RERE: variants seen among roughly 807,000 people sequenced by gnomAD.
RERE encodes arginine-glutamic acid dipeptide repeats, also known as arginine-glutamic acid dipeptide repeats protein.
Under a neutral mutation model 146.1 loss-of-function variants are expected in RERE, and 40 were observed. The observed-to-expected ratio is 0.27, with a 90% CI of 0.21 to 0.36. The LOEUF (loss-of-function observed/expected upper bound fraction) is 0.36. RERE is among the 10% of genes least tolerant of loss of function. RERE has a pLI of 1.00. For synonymous variants in RERE, 1,003 were observed against 866.0 expected (o/e 1.16, Z -2.78); for missense variants, 1,933 against 2,138.7 (o/e 0.90, Z 1.90).
chr1:8,749,624 T>C (rs1640490661), intron 1 of RERE, among the ~76,000 whole-genome samples: 1 of 152,144 alleles, frequency 6.6e-6, no homozygotes, highest in Non-Finnish European at 1.5e-5. Context: ...TGTTAGTTCC[T>C]AAAACAACAG....
intron 1 of RERE, among the ~76,000 whole-genome samples, chr1:8,765,395 G>A (rs1640827234): frequency 6.6e-6 from 1 of 152,192 alleles, no homozygotes; most frequent in Non-Finnish European, 1.5e-5. Flanking sequence ...TTTCTTCTGG[G>A]CATAATTAAA....
At chr1:8,366,926 A>AC (rs1557592087) in intron 12 of RERE, among the ~76,000 whole-genome samples, 76 of 149,316 alleles carry the variant, frequency 5.1e-4, no homozygotes, top group African/African-American at 1.7e-3. Flanking sequence ...CAAAAAAAAA[A>AC]AACAAAAAAA....
chr1:8,787,803 C>T (rs1041690968), intron 1 of RERE, among the ~76,000 whole-genome samples: 22 of 146,774 alleles, frequency 1.5e-4, no homozygotes, highest in Admixed American at 9.0e-4. Flanking sequence ...TGCACTTCAG[C>T]CAGGGCAACA....
Position 8,361,745 on chromosome 1 carries a change from C to T in RERE, c.2016+18G>A, listed in dbSNP as rs1338795280. On this transcript the variant is annotated intron_variant, in intron 17 of 22. Coordinates refer to ENST00000400908, the MANE Select transcript of RERE (RefSeq NM_001042681.2). ...GAAGCATTAGCTTTACTCAGCAAGG[C>T]TCAGCAGCAAACCTCACCTGCGTTT... 12 of 1,593,926 alleles carry T rather than the reference C, an allele frequency of 7.5e-6. No homozygotes were observed. Among genetic ancestry groups the T allele is most frequent in the Non-Finnish European group, 1.0e-5 (12 of 1,161,938 alleles).
chr1:8,641,293 T>C (rs895489260), intron 2 of RERE, among the ~76,000 whole-genome samples: 4 of 152,178 alleles, frequency 2.6e-5, no homozygotes, highest in Non-Finnish European at 2.9e-5. Context: ...TGATAGAGTA[T>C]AACAGATTAA....
At chr1:8,467,233 C>T (rs966102866) in intron 10 of RERE, among the ~76,000 whole-genome samples, 1 of 152,144 alleles carries the variant, frequency 6.6e-6, no homozygotes, top group African/African-American at 2.4e-5. Flanking sequence ...CAGCATTTGC[C>T]GAACATTCAG....
chr1:8,492,150 GGC>G (rs1396481407), intron 10 of RERE, among the ~76,000 whole-genome samples: 4 of 152,162 alleles, frequency 2.6e-5, no homozygotes, highest in African/African-American at 9.7e-5. Flanking sequence ...AGCCATGTCA[GGC>G]TAGTCTGAAG....
chr1:8,438,513 G>A (rs1007791955), intron 11 of RERE, among the ~76,000 whole-genome samples: 1 of 152,224 alleles, frequency 6.6e-6, no homozygotes, highest in African/African-American at 2.4e-5. Flanking sequence ...ATATAGATGG[G>A]TCTCTGGATT....
At chr1:8,724,285 G>C (rs1639916339) in intron 1 of RERE, among the ~76,000 whole-genome samples, 2 of 152,002 alleles carry the variant, frequency 1.3e-5, no homozygotes, top group African/African-American at 4.8e-5. Context: ...GGCAAAAATG[G>C]GTTATACATT....
chr1:8,635,972 CTTATCTTATT>C (rs778370078), intron 2 of RERE, among the ~76,000 whole-genome samples: 18,424 of 143,410 alleles, frequency 0.13, 1,232 homozygotes, highest in African/African-American at 0.18. Context: ...CTTATCTTAT[CTTATCTTATT>C]TTATTTTATT....
intron 1 of RERE, among the ~76,000 whole-genome samples, chr1:8,694,981 G>GT (rs1553135267): frequency 2.4e-5 from 3 of 125,500 alleles, no homozygotes; most frequent in Admixed American, 8.1e-5. Context: ...TAAGGGGGGG[G>GT]GGGGAATGCT....
At chr1:8,593,253 T>A (rs1042626275) in intron 4 of RERE, among the ~76,000 whole-genome samples, 1 of 152,228 alleles carries the variant, frequency 6.6e-6, no homozygotes, top group African/African-American at 2.4e-5. Flanking sequence ...GCTTTTGCTG[T>A]GTGCCCCTCT....
rs539694218 is a variant in RERE at position 8,509,327 on chromosome 1, A to T, written c.831-652T>A. Among the ~76,000 whole-genome samples the T allele has an allele frequency of 1.9e-4, 29 of 152,198 alleles. 1 individual carries two copies. Among genetic ancestry groups the T allele is most frequent in the Admixed American group, 1.7e-3 (26 of 15,280 alleles). ...CCAGTCAGACATTTCTTCCGTTCAA[A>T]ACATCTCAGGGTGCCCTACCATAAG... On this transcript the variant is annotated intron_variant, in intron 7 of 22. Transcript: ENST00000400908.
intron 8 of RERE, among the ~76,000 whole-genome samples, chr1:8,502,325 C>A (rs1347687269): frequency 8.8e-6 from 1 of 113,192 alleles, no homozygotes; most frequent in African/African-American, 3.7e-5. Context: ...CCGCCCCGTC[C>A]GGGAGGGTGG....
Position 8,471,064 on chromosome 1 carries a change from G to C in RERE, c.1105-5041C>G, listed in dbSNP as rs186807305. ...TCTCTTGACCTCATGATCCCCCCCT[G>C]CCTCAGCCTCCCAAAGTGTTGGGAT... On this transcript the variant is annotated intron_variant, in intron 10 of 22. Transcript: ENST00000400908. 8.5e-3 allele frequency among the ~76,000 whole-genome samples: 1,293 copies of C among 151,806 alleles called. 21 individuals are homozygous for C. Among genetic ancestry groups the C allele is most frequent in the African/African-American group, 0.029 (1,216 of 41,396 alleles).
At chr1:8,595,361 C>A (rs1293844874) in intron 4 of RERE, among the ~76,000 whole-genome samples, 2 of 151,302 alleles carry the variant, frequency 1.3e-5, no homozygotes, top group African/African-American at 4.9e-5. Flanking sequence ...TCATTAAATA[C>A]CAATAAAAAC....
At chr1:8,385,733 C>T (rs1451052733) in intron 12 of RERE, among the ~76,000 whole-genome samples, 1 of 150,788 alleles carries the variant, frequency 6.6e-6, no homozygotes, top group Non-Finnish European at 1.5e-5. Flanking sequence ...ACCACTTTGG[C>T]GGATGGATCA....
rs150498601 is a variant in RERE at position 8,816,080 on chromosome 1, AGACT to A, written c.-145+1076_-145+1079del. ...TCCAGCTTCTCTCCCCTCCCCCAAC[AGACT>A]GAGACTAAAAAGACCAGTGTACACT... On this transcript the variant is annotated intron_variant, in intron 1 of 22. Coordinates refer to ENST00000400908, the MANE Select transcript of RERE (RefSeq NM_001042681.2). 1.8e-3 allele frequency among the ~76,000 whole-genome samples: 275 copies of A among 152,308 alleles called. 1 individual carries two copies. The highest frequency in any genetic ancestry group is 6.1e-3 in the African/African-American group (254 of 41,568).
intron 7 of RERE, among the ~76,000 whole-genome samples, chr1:8,510,542 G>A (rs1645321307): frequency 6.6e-6 from 1 of 152,202 alleles, no homozygotes; most frequent in African/African-American, 2.4e-5. Flanking sequence ...GTTTTAGGAG[G>A]TATGTAAAGG....
Sources: allele counts gnomAD v4.1 joint callset (sites outside exome capture counted in the v4.1 genomes callset), GRCh38; gene constraint gnomAD v4.1.1; transcripts MANE v1.5; gene names NCBI Gene and HGNC (gene_info 2026-07-23, HGNC 2026-07-21).